TMCO1: variants seen among roughly 807,000 people sequenced by gnomAD.
The protein encoded by TMCO1 is calcium load-activated calcium channel.
A neutral mutation model predicts 29.3 loss-of-function variants in TMCO1; 29 were observed. The ratio of observed to expected loss-of-function variants is 0.99; its 90% CI spans 0.74 to 1.35. TMCO1 has a LOEUF of 1.35. Among genes scored for constraint, TMCO1 ranks in the 40% most tolerant of loss-of-function variants. The pLI is 0.00. For missense variants in TMCO1, 173 were observed against 225.5 expected, an observed-to-expected ratio of 0.77 and a Z score of 1.49; for synonymous variants, 80 against 77.1, an observed-to-expected ratio of 1.04 and a Z score of -0.20.
chr1:165,730,165 C>CA (rs572104283), intron 6 of TMCO1, among the ~76,000 whole-genome samples: 24,671 of 103,016 alleles, frequency 0.24, 3,268 homozygotes, highest in South Asian at 0.38. Flanking sequence ...ACTAAAAATA[C>CA]ACACACACAA....
Position 165,743,296 on chromosome 1 carries a change from C to T in TMCO1, c.339G>A (p.Val113=). The T allele has an allele frequency of 6.2e-7, 1 of 1,610,024 alleles. No individual in the cohort carries two copies. The highest frequency in any genetic ancestry group is 1.1e-5 in the South Asian group (1 of 90,604). Reference sequence around the variant, plus strand: ...GAGGGGTAAAAGGAAGCTTTGCCACCACTCTACCATCAAATCTAAAAGAAA... The same window carrying T: ...GAGGGGTAAAAGGAAGCTTTGCCACTACTCTACCATCAAATCTAAAAGAAA... ...GMFNSIFDGR[V]VAKLPFTPLS... Residue 113 remains valine, a synonymous_variant, in exon 6 of 7, where the codon GTG becomes GTA. Transcript: ENST00000367881.
chr1:165,768,023 C>A (rs1027317506), intron 2 of TMCO1, among the ~76,000 whole-genome samples, 169 bp downstream of exon 2: 2 of 152,208 alleles, frequency 1.3e-5, no homozygotes, highest in Admixed American at 1.3e-4. Context: ...ACGCCCCTCA[C>A]TTCCCTCTAG....
chr1:165,760,448 AAT>A (rs1250843652), intron 2 of TMCO1, among the ~76,000 whole-genome samples: 1 of 151,514 alleles, frequency 6.6e-6, no homozygotes, highest in African/African-American at 2.4e-5. Flanking sequence ...AAAAAAAAAA[AAT>A]ACCAATTTTT....
At chr1:165,751,116 T>C (rs1380026959) in intron 5 of TMCO1, among the ~76,000 whole-genome samples, 5 of 152,136 alleles carry the variant, frequency 3.3e-5, no homozygotes, top group Non-Finnish European at 5.9e-5. Flanking sequence ...CGTTGGATAT[T>C]TTCTGTCAAA....
chr1:165,762,559 T>C (rs539508248), intron 2 of TMCO1, among the ~76,000 whole-genome samples: 96 of 152,306 alleles, frequency 6.3e-4, no homozygotes, highest in African/African-American at 2.2e-3. Context: ...CTAATGTTTT[T>C]CAAACTTCAT....
intron 6 of TMCO1, among the ~76,000 whole-genome samples, chr1:165,738,845 G>C (rs1427458064): frequency 1.3e-5 from 2 of 152,186 alleles, no homozygotes; most frequent in Non-Finnish European, 2.9e-5. Context: ...ATTCAGCTGG[G>C]ATCTTGGGGA....
chr1:165,725,898 T>C, downstream of TMCO1: 1 of 591,764 alleles, frequency 1.7e-6, no homozygotes, highest in Non-Finnish European at 3.2e-6. Flanking sequence ...TTTTAATGAA[T>C]AGGGTGAATA....
chr1:165,737,086 T>A (rs1013008549), intron 6 of TMCO1, among the ~76,000 whole-genome samples: 1 of 152,184 alleles, frequency 6.6e-6, no homozygotes, highest in African/African-American at 2.4e-5. Context: ...TGAACAGGCA[T>A]GAGCCACCAC....
chr1:165,743,067 G>A (rs892563862), intron 6 of TMCO1, 100 bp downstream of exon 6: 3 of 1,449,026 alleles, frequency 2.1e-6, no homozygotes, highest in African/African-American at 2.8e-5. Context: ...AAAGAACTCA[G>A]GAACAATGGG....
chr1:165,758,512 C>T (rs939301362), intron 3 of TMCO1, among the ~76,000 whole-genome samples: 6 of 151,964 alleles, frequency 3.9e-5, no homozygotes, highest in East Asian at 3.9e-4. Context: ...GCCGAGATCA[C>T]ACCACTGCAC....
At chr1:165,736,590 G>A (rs761297309) in intron 6 of TMCO1, among the ~76,000 whole-genome samples, 82 of 152,110 alleles carry the variant, frequency 5.4e-4, no homozygotes, top group Non-Finnish European at 9.4e-4. Context: ...GCATGGTAGC[G>A]GGTGCCTGTA....
chr1:165,768,018 C>T (rs993529707), intron 2 of TMCO1, among the ~76,000 whole-genome samples, 174 bp downstream of exon 2: 1 of 152,106 alleles, frequency 6.6e-6, no homozygotes, highest in Non-Finnish European at 1.5e-5. Flanking sequence ...CTGCTACGCC[C>T]CTCACTTCCC....
chr1:165,752,510 C>A (rs1446223040), intron 4 of TMCO1, among the ~76,000 whole-genome samples: 1 of 151,856 alleles, frequency 6.6e-6, no homozygotes, highest in African/African-American at 2.4e-5. Context: ...CCGCCTCGGC[C>A]TCCCAAAGTG....
At position 165,768,721 on chromosome 1, in the gene TMCO1, T is replaced by A; in HGVS notation, c.31A>T (p.Ile11Phe). 6.2e-7 allele frequency: 1 copy of A among 1,613,986 alleles called. No individual in the cohort carries two copies. The stretch of plus-strand genomic sequence containing the variant: ...GCCGTGCACACAGAGATAAAAACGA[T>A]GAGGAGAGTGTCCGCGAACATAGTG... MSTMFADTLL[I>F]VFISVCTALL... The change falls in exon 1 of 7, where the codon ATC becomes TTC. Residue 11 changes from isoleucine to phenylalanine, a missense_variant. Coordinates refer to ENST00000367881, the MANE Select transcript of TMCO1 (RefSeq NM_019026.6).
rs1652683372 is a variant in TMCO1 at position 165,768,803 on chromosome 1, G to C, written c.-52C>G. On this transcript the variant is annotated 5_prime_UTR_variant, in exon 1 of 7. Coordinates refer to ENST00000367881, the MANE Select transcript of TMCO1 (RefSeq NM_019026.6). ...CCCGCCAGGGGGAAAGCGCTCTACA[G>C]CCAGGAAAAGTGAAGCGAAAACGGC... The C allele has an allele frequency of 6.2e-7, 1 of 1,612,716 alleles. No individual in the cohort carries two copies. Among genetic ancestry groups the C allele is most frequent in the African/African-American group, 1.3e-5 (1 of 74,852 alleles).
At chr1:165,743,653 T>C (rs1651684243) in intron 5 of TMCO1, among the ~76,000 whole-genome samples, 1 of 152,138 alleles carries the variant, frequency 6.6e-6, no homozygotes, top group Admixed American at 6.5e-5. Flanking sequence ...ATGAGAAATG[T>C]TTAATATTTA....
At chr1:165,748,640 TA>T (rs1246056225) in intron 5 of TMCO1, among the ~76,000 whole-genome samples, 2 of 152,214 alleles carry the variant, frequency 1.3e-5, no homozygotes, top group African/African-American at 4.8e-5. Context: ...TGAGTACCAC[TA>T]AAACATATGG....
At chr1:165,765,211 A>T (rs2101817830) in intron 2 of TMCO1, among the ~76,000 whole-genome samples, 1 of 152,342 alleles carries the variant, frequency 6.6e-6, no homozygotes, top group African/African-American at 2.4e-5. Flanking sequence ...AGAAAGTAAT[A>T]AAAGCAACAG....
chr1:165,766,264 G>A (rs1652563698), intron 2 of TMCO1, among the ~76,000 whole-genome samples: 2 of 152,172 alleles, frequency 1.3e-5, no homozygotes, highest in African/African-American at 4.8e-5. Flanking sequence ...GGGACGTGTT[G>A]GGACTGAGCT....
Sources: gnomAD v4.1 joint callset for allele counts (sites outside exome capture counted in the v4.1 genomes callset) on GRCh38, gnomAD v4.1.1 for gene constraint, MANE v1.5 for transcripts, NCBI Gene and HGNC (gene_info 2026-07-23, HGNC 2026-07-21) for gene names.